The following PACRG variants were observed in gnomAD, a reference collection of about 807,000 sequenced individuals.
PACRG encodes the protein parkin coregulated gene protein.
Under a neutral mutation model 29.7 loss-of-function variants are expected in PACRG, and 29 were observed. The observed-to-expected ratio is 0.98, with a 90% CI of 0.73 to 1.33. PACRG has a LOEUF of 1.33. Ranked by LOEUF, PACRG falls within the 40% of genes most tolerant of loss-of-function variation. The probability of loss-of-function intolerance (pLI) is 0.00; values close to 1 mark genes in which losing one functional copy is unlikely to be tolerated. For missense variants in PACRG, 279 were observed against 316.2 expected, an observed-to-expected ratio of 0.88 and a Z score of 0.89; for synonymous variants, 116 against 118.7, an observed-to-expected ratio of 0.98 and a Z score of 0.15.
intron 2 of PACRG, among the ~76,000 whole-genome samples, chr6:163,006,673 C>A (rs2128206123): frequency 6.6e-6 from 1 of 151,872 alleles, no homozygotes; most frequent in African/African-American, 2.4e-5. Flanking sequence ...TAAATTGACC[C>A]CCTTATCAAT....
chr6:162,743,431 G>A (rs947774853), intron 1 of PACRG, among the ~76,000 whole-genome samples: 5 of 151,930 alleles, frequency 3.3e-5, no homozygotes, highest in African/African-American at 1.2e-4. Flanking sequence ...TGTAGAATTG[G>A]AGTCATATCA....
chr6:162,747,640 T>G lies in PACRG; in HGVS notation c.156+19249T>G, dbSNP rs534297569. ...TACAAACACCAAGTTTACCCAGAGC[T>G]AATGCAGGGAAAGCCAGAATCAACC... On this transcript the variant is annotated intron_variant, in intron 1 of 4. Coordinates refer to ENST00000366888, the MANE Select transcript of PACRG (RefSeq NM_001080379.2). Among the ~76,000 whole-genome samples the G allele has an allele frequency of 3.1e-3, 463 of 151,052 alleles. 6 individuals carry two copies. Among genetic ancestry groups the G allele is most frequent in the Non-Finnish European group, 4.7e-3 (316 of 67,872 alleles).
At chr6:162,873,034 A>G (rs746623330) in intron 2 of PACRG, among the ~76,000 whole-genome samples, 3 of 152,230 alleles carry the variant, frequency 2.0e-5, no homozygotes, top group Non-Finnish European at 4.4e-5. Context: ...TAATACAGCC[A>G]TTTACAGTGC....
At chr6:163,267,179 TA>T (rs369096354) in intron 4 of PACRG, among the ~76,000 whole-genome samples, 29 of 152,282 alleles carry the variant, frequency 1.9e-4, no homozygotes, top group African/African-American at 6.7e-4. Context: ...TGGTGCTGGG[TA>T]GGCAGAACTC....
chr6:163,075,106 A>G (rs548732026), intron 3 of PACRG, among the ~76,000 whole-genome samples: 47 of 152,342 alleles, frequency 3.1e-4, no homozygotes, highest in South Asian at 8.3e-4. Context: ...ATATCATGAT[A>G]GGGTATTAAG....
At chr6:163,142,172 A>G (rs964679716) in intron 4 of PACRG, among the ~76,000 whole-genome samples, 4 of 152,196 alleles carry the variant, frequency 2.6e-5, no homozygotes, top group Non-Finnish European at 5.9e-5. Context: ...AAAGTGAGCA[A>G]CAAGGTAAAT....
At chr6:163,145,041 G>A (rs1269157980) in intron 4 of PACRG, among the ~76,000 whole-genome samples, 1 of 152,082 alleles carries the variant, frequency 6.6e-6, no homozygotes, top group African/African-American at 2.4e-5. Flanking sequence ...TACTGCTATT[G>A]ATGCTACATC....
chr6:163,284,991 A>G (rs538066126), intron 4 of PACRG, among the ~76,000 whole-genome samples: 2 of 152,240 alleles, frequency 1.3e-5, no homozygotes, highest in Non-Finnish European at 2.9e-5. Flanking sequence ...TGCAGTAGCC[A>G]TTGACCTTCA....
intron 3 of PACRG, among the ~76,000 whole-genome samples, chr6:163,083,512 C>T (rs750299760): frequency 6.6e-6 from 1 of 152,130 alleles, no homozygotes; most frequent in Non-Finnish European, 1.5e-5. Context: ...CATGTCAGGA[C>T]GTCCTGAGGC....
At chr6:162,794,041 G>C (rs2128330797) in intron 1 of PACRG, among the ~76,000 whole-genome samples, 1 of 152,196 alleles carries the variant, frequency 6.6e-6, no homozygotes, top group African/African-American at 2.4e-5. Context: ...AGCTTTACTA[G>C]GCAATGGTAA....
rs1228040320 is a variant in PACRG at position 162,992,511 on chromosome 6, T to A, written c.292-69639T>A. On this transcript the variant is annotated intron_variant, in intron 2 of 4. Coordinates refer to ENST00000366888, the MANE Select transcript of PACRG (RefSeq NM_001080379.2). ...GGAATGTATCCATTTCTTCTAGATTTTCTAGTTTATTTGCATAGAGGTGTT... is the reference window on the plus strand; with the variant it reads ...GGAATGTATCCATTTCTTCTAGATTATCTAGTTTATTTGCATAGAGGTGTT... Among the ~76,000 whole-genome samples the A allele has an allele frequency of 1.7e-4, 25 of 146,994 alleles. 1 individual carries two copies. Among genetic ancestry groups the A allele is most frequent in the Non-Finnish European group, 3.0e-4 (20 of 66,178 alleles).
intron 2 of PACRG, among the ~76,000 whole-genome samples, chr6:163,054,986 C>A (rs1016618620): frequency 6.6e-6 from 1 of 152,106 alleles, no homozygotes; most frequent in African/African-American, 2.4e-5. Flanking sequence ...TACAACTTCA[C>A]CAGGTCAATT....
At chr6:163,073,981 C>CATT (rs1425517209) in intron 3 of PACRG, among the ~76,000 whole-genome samples, 1 of 152,034 alleles carries the variant, frequency 6.6e-6, no homozygotes, top group East Asian at 1.9e-4. Context: ...TGAGAATGTA[C>CATT]ATTAATACAA....
At chr6:163,015,677 G>A (rs545185745) in intron 2 of PACRG, among the ~76,000 whole-genome samples, 58 of 152,226 alleles carry the variant, frequency 3.8e-4, no homozygotes, top group Non-Finnish European at 3.7e-4. Flanking sequence ...AAATGCTACT[G>A]ATTTTTATAC....
chr6:162,847,901 G>T (rs1197258994), intron 2 of PACRG, among the ~76,000 whole-genome samples: 3 of 152,154 alleles, frequency 2.0e-5, no homozygotes. Flanking sequence ...GCCCTGAAAG[G>T]TTTTAAGGAG....
intron 4 of PACRG, among the ~76,000 whole-genome samples, chr6:163,274,431 C>T (rs547358555): frequency 1.3e-5 from 2 of 152,330 alleles, no homozygotes; most frequent in South Asian, 4.1e-4. Context: ...CAATCTATCA[C>T]TGATGGACAT....
intron 4 of PACRG, among the ~76,000 whole-genome samples, chr6:163,229,143 T>G (rs1781923089): frequency 6.6e-6 from 1 of 152,166 alleles, no homozygotes; most frequent in African/African-American, 2.4e-5. Context: ...GAGGATCACT[T>G]GAGTCCAGGA....
At chr6:162,799,621 A>G (rs1179652465) in intron 1 of PACRG, among the ~76,000 whole-genome samples, 2 of 151,778 alleles carry the variant, frequency 1.3e-5, no homozygotes, top group African/African-American at 4.8e-5. Context: ...ATGATGGGAA[A>G]GTGGGACCCT....
chr6:162,847,130 A>G (rs893185499), intron 2 of PACRG, among the ~76,000 whole-genome samples: 2 of 138,300 alleles, frequency 1.4e-5, no homozygotes, highest in South Asian at 2.2e-4. Context: ...CCACACTGTG[A>G]TGCTCCCCAC....
Sources: allele counts gnomAD v4.1 joint callset (sites outside exome capture counted in the v4.1 genomes callset), GRCh38; gene constraint gnomAD v4.1.1; transcripts MANE v1.5; gene names NCBI Gene and HGNC (gene_info 2026-07-23, HGNC 2026-07-21).